Variants in CDK14 observed in about 807,000 individuals in gnomAD.
The protein encoded by CDK14 is cyclin-dependent kinase 14.
In CDK14, 34 loss-of-function variants were observed where a neutral mutation model predicts 60.7. The observed-to-expected ratio is 0.56, with a 90% confidence interval of 0.43 to 0.75. The LOEUF (loss-of-function observed/expected upper bound fraction) is 0.75. Ranked by LOEUF, CDK14 falls within the 30% of genes least tolerant of loss-of-function variation. The pLI is 0.00. For synonymous variants in CDK14, 197 were observed against 203.7 expected, an observed-to-expected ratio of 0.97 and a Z score of 0.28; for missense variants, 482 against 564.1, an observed-to-expected ratio of 0.85 and a Z score of 1.47.
At chr7:90,883,652 C>T (rs1791840092) in intron 6 of CDK14, among the ~76,000 whole-genome samples, 1 of 152,158 alleles carries the variant, frequency 6.6e-6, no homozygotes, top group Non-Finnish European at 1.5e-5. Flanking sequence ...AAACTTCAGG[C>T]CAATATCCCT....
intron 10 of CDK14, among the ~76,000 whole-genome samples, chr7:91,027,168 G>C (rs952837521): frequency 1.3e-5 from 2 of 152,070 alleles, no homozygotes; most frequent in African/African-American, 4.8e-5. Flanking sequence ...GAAAATAATG[G>C]GCCAAATATA....
intron 5 of CDK14, among the ~76,000 whole-genome samples, chr7:90,795,097 C>A (rs1047036247): frequency 6.6e-6 from 1 of 152,076 alleles, no homozygotes; most frequent in Non-Finnish European, 1.5e-5. Flanking sequence ...GAGCCCAAAC[C>A]CAACTATTTT....
At chr7:90,826,120 T>C (rs1316025777) in intron 5 of CDK14, among the ~76,000 whole-genome samples, 1 of 152,244 alleles carries the variant, frequency 6.6e-6, no homozygotes, top group African/African-American at 2.4e-5. Context: ...ACAAAGCTCT[T>C]AAATGTTATA....
In CDK14 at chr7:90,822,136, G is replaced by T. The variant is rs113995106; in HGVS notation, c.544+31484G>T. On this transcript the variant is annotated intron_variant, in intron 5 of 14. Transcript: ENST00000380050. ...CTTGTCTTCAGTATTTATTTTGGAC[G>T]ATGAGACTGTTTTTGGTATTTTTGG... 5.7e-3 allele frequency among the ~76,000 whole-genome samples: 874 copies of T among 152,276 alleles called. 15 individuals carry two copies. Among genetic ancestry groups the T allele is most frequent in the African/African-American group, 0.02 (827 of 41,548 alleles).
At chr7:91,001,490 A>G (rs1480102402) in intron 10 of CDK14, among the ~76,000 whole-genome samples, 2 of 152,248 alleles carry the variant, frequency 1.3e-5, no homozygotes, top group East Asian at 1.9e-4. Context: ...AACCTGCTGG[A>G]TAAATAATAT....
intron 12 of CDK14, among the ~76,000 whole-genome samples, chr7:91,088,943 G>T (rs757922027): frequency 2.6e-5 from 4 of 151,776 alleles, no homozygotes; most frequent in Non-Finnish European, 4.4e-5. Context: ...GAGTGTGCAT[G>T]TGTGTGTGTG....
intron 5 of CDK14, among the ~76,000 whole-genome samples, chr7:90,832,393 A>C (rs1043306212): frequency 2.0e-5 from 3 of 152,004 alleles, no homozygotes; most frequent in Non-Finnish European, 4.4e-5. Context: ...CACATAAGAG[A>C]CCCCAATGAG....
At chr7:91,030,036 C>T (rs1796716388) in intron 10 of CDK14, among the ~76,000 whole-genome samples, 1 of 152,104 alleles carries the variant, frequency 6.6e-6, no homozygotes, top group Admixed American at 6.5e-5. Context: ...TATATTTTTC[C>T]ATACTTGTAT....
intron 11 of CDK14, among the ~76,000 whole-genome samples, chr7:91,067,613 A>G (rs531949646): frequency 4.6e-5 from 7 of 152,224 alleles, no homozygotes; most frequent in African/African-American, 7.2e-5. Context: ...CCATTGCCCA[A>G]TGTAGCACCT....
intron 10 of CDK14, among the ~76,000 whole-genome samples, chr7:91,043,751 C>G (rs956060097): frequency 2.0e-5 from 3 of 152,048 alleles, no homozygotes; most frequent in Non-Finnish European, 2.9e-5. Flanking sequence ...GAAAAAGTAA[C>G]CAAGTATGAG....
At chr7:90,702,655 G>A (rs369057942) in intron 2 of CDK14, among the ~76,000 whole-genome samples, 54 of 149,248 alleles carry the variant, frequency 3.6e-4, no homozygotes, top group African/African-American at 1.3e-3. Context: ...ATTTATTGTC[G>A]AATATCCAGC....
intron 5 of CDK14, among the ~76,000 whole-genome samples, chr7:90,847,108 A>G (rs565302346): frequency 9.2e-5 from 14 of 152,188 alleles, no homozygotes; most frequent in Non-Finnish European, 1.8e-4. Context: ...ACATTTCTCT[A>G]GGCAGGTTAT....
chr7:91,133,108 A>G (rs1449833160), intron 14 of CDK14, among the ~76,000 whole-genome samples: 1 of 152,206 alleles, frequency 6.6e-6, no homozygotes, highest in African/African-American at 2.4e-5. Context: ...TTCTAGGGAT[A>G]AAAATTTAAG....
intron 2 of CDK14, among the ~76,000 whole-genome samples, chr7:90,619,318 A>G (rs917157852): frequency 2.0e-5 from 3 of 152,234 alleles, no homozygotes; most frequent in African/African-American, 7.2e-5. Context: ...CAAATAACAC[A>G]ATTGACACAT....
chr7:91,184,204 T>TAAAAAA (rs59565390), intron 14 of CDK14, among the ~76,000 whole-genome samples: 3,146 of 36,596 alleles, frequency 0.086, 475 homozygotes, highest in African/African-American at 0.17. Flanking sequence ...GGCTCCGTCT[T>TAAAAAA]AAAAAAAAAA....
chr7:90,644,588 A>T (rs1424903119), intron 2 of CDK14, among the ~76,000 whole-genome samples: 1 of 152,154 alleles, frequency 6.6e-6, no homozygotes, highest in Non-Finnish European at 1.5e-5. Flanking sequence ...TGTTTGGGAA[A>T]CTCACATCCT....
intron 11 of CDK14, among the ~76,000 whole-genome samples, chr7:91,072,548 A>G (rs1798182781): frequency 6.6e-6 from 1 of 152,218 alleles, no homozygotes; most frequent in Non-Finnish European, 1.5e-5. Context: ...TTGACACTAG[A>G]CAAACTCATG....
intron 3 of CDK14, among the ~76,000 whole-genome samples, chr7:90,734,310 T>A (rs951261409): frequency 6.6e-6 from 1 of 152,080 alleles, no homozygotes; most frequent in African/African-American, 2.4e-5. Flanking sequence ...TCTTGAGGAG[T>A]ATCTTTGTGG....
chr7:90,890,552 T>C lies in CDK14; in HGVS notation c.640-8739T>C, dbSNP rs140644672. ...TTTTCTCATTAATGAATGATTCTCATGTATTGGAACTCACATTATAATTTT... is the reference window on the plus strand; with the variant it reads ...TTTTCTCATTAATGAATGATTCTCACGTATTGGAACTCACATTATAATTTT... On this transcript the variant is annotated intron_variant, in intron 6 of 14. Coordinates refer to ENST00000380050, the MANE Select transcript of CDK14 (RefSeq NM_001287135.2). 2.6e-4 allele frequency among the ~76,000 whole-genome samples: 39 copies of C among 152,336 alleles called. No individual in the cohort carries two copies. The East Asian group carries it at 7.3e-3, about 29-fold the overall frequency.
Sources: allele counts gnomAD v4.1 joint callset (sites outside exome capture counted in the v4.1 genomes callset), GRCh38; gene constraint gnomAD v4.1.1; transcripts MANE v1.5; gene names NCBI Gene and HGNC (gene_info 2026-07-23, HGNC 2026-07-21).